The following MRTFA variants were observed in gnomAD, a reference collection of about 807,000 sequenced individuals.
The protein encoded by MRTFA is myocardin-related transcription factor A.
In MRTFA, 20 loss-of-function variants were observed where a neutral mutation model predicts 83.5. That is an observed-to-expected ratio of 0.24 (90% CI 0.17 to 0.35). MRTFA has a LOEUF of 0.35. Among genes scored for constraint, MRTFA ranks in the 10% least tolerant of loss-of-function variants. MRTFA has a pLI of 1.00. For synonymous variants in MRTFA, 659 were observed against 541.2 expected, an observed-to-expected ratio of 1.22 and a Z score of -3.02; for missense variants, 1,200 against 1,224.7, an observed-to-expected ratio of 0.98 and a Z score of 0.30.
chr22:40,620,960 T>C (rs1266715740), intron 1 of MRTFA, among the ~76,000 whole-genome samples: 2 of 151,998 alleles, frequency 1.3e-5, no homozygotes, highest in East Asian at 1.9e-4. Context: ...AGCAGGAGGA[T>C]AGCTTGAGCC....
rs192493667 is a variant in MRTFA at position 40,600,943 on chromosome 22, C to T, written c.-83-6208G>A. On this transcript the variant is annotated intron_variant, in intron 1 of 14. Coordinates refer to ENST00000355630, the MANE Select transcript of MRTFA (RefSeq NM_020831.6). ...TGAGCCAAGATTGTGCCACTGTACT[C>T]CAGCCTGGGTGACAAAGCAAGACTC... Among the ~76,000 whole-genome samples, 1,166 of 152,298 alleles carry T rather than the reference C, an allele frequency of 7.7e-3. 7 individuals carry two copies. Among genetic ancestry groups the T allele is most frequent in the Non-Finnish European group, 0.013 (908 of 68,028 alleles).
At chr22:40,624,624 C>G (rs2056560574) in intron 1 of MRTFA, among the ~76,000 whole-genome samples, 2 of 152,022 alleles carry the variant, frequency 1.3e-5, no homozygotes, top group Admixed American at 1.3e-4. Flanking sequence ...AATCCCTGCT[C>G]TAGAAAGCGT....
In MRTFA at chr22:40,421,030, A is replaced by T; in HGVS notation, c.998T>A (p.Val333Glu). 1 of 1,582,026 alleles carries T rather than the reference A, an allele frequency of 6.3e-7. No homozygotes were observed. Reference sequence around the variant, plus strand: ...GTACTGGTGGTACTTGAGCTTCTTCACCTTTGGCTTCAGCTCCTTGGCCTT... The same window carrying T: ...GTACTGGTGGTACTTGAGCTTCTTCTCCTTTGGCTTCAGCTCCTTGGCCTT... Residue 333 changes from valine to glutamate, a missense_variant, in exon 10 of 15, where the codon GTG becomes GAG. Transcript: ENST00000355630.
intron 1 of MRTFA, among the ~76,000 whole-genome samples, chr22:40,621,457 G>A (rs1456278037): frequency 1.3e-5 from 2 of 152,132 alleles, no homozygotes. Flanking sequence ...GTTCACAGGG[G>A]CTGGGGAGAG....
intron 3 of MRTFA, among the ~76,000 whole-genome samples, chr22:40,464,538 T>C (rs922759002): frequency 6.8e-6 from 1 of 146,624 alleles, no homozygotes; most frequent in Non-Finnish European, 1.5e-5. Flanking sequence ...AAAAAGAAAA[T>C]GTTCAGAGGA....
chr22:40,539,399 G>A (rs1425329954), intron 3 of MRTFA, among the ~76,000 whole-genome samples: 6 of 150,612 alleles, frequency 4.0e-5, no homozygotes, highest in African/African-American at 1.5e-4. Flanking sequence ...GAGTGCAGTG[G>A]CACAATCTCA....
intron 3 of MRTFA, among the ~76,000 whole-genome samples, chr22:40,476,681 G>A (rs916079186): frequency 1.3e-5 from 2 of 151,968 alleles, no homozygotes; most frequent in Admixed American, 6.6e-5. Context: ...TTGAACTCCT[G>A]GGCTCAAATG....
chr22:40,552,231 G>A lies in MRTFA; in HGVS notation c.116C>T (p.Ala39Val), dbSNP rs185735123. ...AACAGCTTCACTCTGGGGACTGGGT[G>A]CCGCAGATAAGGACACGAGCACTGG... The change falls in exon 3 of 15, where the codon GCA (alanine) becomes GTA (valine). Residue 39 changes from alanine (A) to valine (V), a missense_variant. Around this residue, in one of 2 missense-constraint regions of MRTFA, gnomAD observed 93 missense variants for 182.9 expected, o/e 0.51. Transcript: ENST00000355630. 6.8e-5 allele frequency: 27 copies of A among 399,076 alleles called. No individual in the cohort carries two copies. The Admixed American group carries it at 1.1e-3, about 16-fold the overall frequency. 24.7% of individuals were successfully genotyped at this position (399,076 alleles called of 1,614,324 possible). A position where few individuals can be genotyped will look rare whatever the true frequency, so the allele number is the denominator to read the frequency against.
intron 3 of MRTFA, among the ~76,000 whole-genome samples, chr22:40,476,155 AG>A (rs1181215772): frequency 9.0e-4 from 131 of 144,946 alleles, no homozygotes; most frequent in African/African-American, 2.3e-3. Flanking sequence ...AAAAAAAAAA[AG>A]GGGGGGGGTC....
At chr22:40,534,203 T>A (rs970475417) in intron 3 of MRTFA, among the ~76,000 whole-genome samples, 6 of 152,184 alleles carry the variant, frequency 3.9e-5, no homozygotes, top group Admixed American at 1.3e-4. Context: ...GAAAAAGAAT[T>A]CCAACGGCTT....
At chr22:40,505,408 A>G (rs902697791) in intron 3 of MRTFA, among the ~76,000 whole-genome samples, 1 of 152,240 alleles carries the variant, frequency 6.6e-6, no homozygotes, top group Non-Finnish European at 1.5e-5. Context: ...GCTAGGTTCC[A>G]GTTTCTTGCA....
At position 40,627,511 on chromosome 22, in the gene MRTFA, G is replaced by A. The variant is rs148239842; in HGVS notation, c.-84+8967C>T. On this transcript the variant is annotated intron_variant, in intron 1 of 14. Coordinates refer to ENST00000355630, the MANE Select transcript of MRTFA (RefSeq NM_020831.6). Reference sequence around the variant, plus strand: ...CAACCAGATACATATAATGAATACCGCACAGAATATTTTCTGAGCTATAAC... The same window carrying A: ...CAACCAGATACATATAATGAATACCACACAGAATATTTTCTGAGCTATAAC... 1.7e-3 allele frequency among the ~76,000 whole-genome samples: 257 copies of A among 152,244 alleles called. 1 individual carries two copies. The highest frequency in any genetic ancestry group is 5.7e-3 in the African/African-American group (238 of 41,532).
intron 1 of MRTFA, among the ~76,000 whole-genome samples, chr22:40,609,651 T>G (rs988319569): frequency 6.6e-6 from 1 of 151,878 alleles, no homozygotes; most frequent in Non-Finnish European, 1.5e-5. Flanking sequence ...GCCAACATGG[T>G]GAAACCCTGT....
At chr22:40,604,607 C>T (rs1480010243) in intron 1 of MRTFA, among the ~76,000 whole-genome samples, 4 of 151,840 alleles carry the variant, frequency 2.6e-5, no homozygotes, top group African/African-American at 7.3e-5. Flanking sequence ...ATTAGCCGGG[C>T]GTGGTGGCAT....
At position 40,552,382 on chromosome 22, in the gene MRTFA, A is replaced by G. The variant is rs1366347089; in HGVS notation, c.-21-15T>C. On this transcript the variant is annotated splice_polypyrimidine_tract_variant and intron_variant, in intron 2 of 14. Transcript: ENST00000355630. Reference sequence around the variant, plus strand: ...GTGATGGCAATCTGGAAATGGAAGAAAAAATGGAAAGTTTAGATGGTACCA... The same window carrying G: ...GTGATGGCAATCTGGAAATGGAAGAGAAAATGGAAAGTTTAGATGGTACCA... The G allele has an allele frequency of 2.5e-6, 1 of 398,372 alleles. No homozygotes were observed. The highest frequency in any genetic ancestry group is 4.4e-6 in the Non-Finnish European group (1 of 225,848). The allele number at this position is 398,372 out of a possible 1,614,324, so 24.7% of individuals were successfully genotyped here.
chr22:40,502,097 A>C (rs1443038421), intron 3 of MRTFA, among the ~76,000 whole-genome samples: 2 of 113,080 alleles, frequency 1.8e-5, no homozygotes, highest in African/African-American at 3.5e-5. Flanking sequence ...ACTTCCCAGT[A>C]GGGGCGGCCG....
intron 2 of MRTFA, among the ~76,000 whole-genome samples, chr22:40,580,812 T>G (rs1184307402): frequency 6.6e-6 from 1 of 152,146 alleles, no homozygotes; most frequent in Non-Finnish European, 1.5e-5. Flanking sequence ...GGGGTCTCAC[T>G]ATGCTGTCCA....
intron 3 of MRTFA, among the ~76,000 whole-genome samples, chr22:40,485,471 G>A (rs190302618): frequency 1.7e-4 from 26 of 152,200 alleles, no homozygotes; most frequent in Admixed American, 3.9e-4. Context: ...GTGTGAAGGC[G>A]GGAGGAGAGC....
At chr22:40,521,757 C>T (rs943185574) in intron 3 of MRTFA, 2 of 152,376 alleles carry the variant, frequency 1.3e-5, no homozygotes, top group South Asian at 2.1e-4. Context: ...CTTGACCTCA[C>T]AAAGGGCTGG....
Sources: allele counts gnomAD v4.1 joint callset (sites outside exome capture counted in the v4.1 genomes callset), GRCh38; gene constraint gnomAD v4.1.1; regional missense constraint gnomAD v4.1.1; transcripts MANE v1.5; gene names NCBI Gene and HGNC (gene_info 2026-07-23, HGNC 2026-07-21).